The following CAMKMT variants were observed in gnomAD, a reference collection of about 807,000 sequenced individuals.
The protein encoded by CAMKMT is CaM KMT.
Under a neutral mutation model 48.0 loss-of-function variants are expected in CAMKMT, and 53 were observed. The ratio of observed to expected loss-of-function variants is 1.10; its 90% CI spans 0.89 to 1.39. The LOEUF is 1.39. CAMKMT is among the 40% of genes most tolerant of loss of function. CAMKMT has a pLI of 0.00. For missense variants in CAMKMT, 428 were observed against 402.7 expected (o/e 1.06, Z -0.54); for synonymous variants, 165 against 152.3 (o/e 1.08, Z -0.61).
chr2:44,410,116 G>A (rs1456800753), intron 3 of CAMKMT, among the ~76,000 whole-genome samples: 1 of 148,684 alleles, frequency 6.7e-6, no homozygotes, highest in Admixed American at 6.7e-5. Context: ...AACTGGTAGG[G>A]GGTATTTTTC....
intron 3 of CAMKMT, among the ~76,000 whole-genome samples, chr2:44,415,066 A>G (rs1020603567): frequency 1.1e-4 from 17 of 152,106 alleles, no homozygotes; most frequent in Non-Finnish European, 2.2e-4. Flanking sequence ...GCAGGAAATC[A>G]CTTGAACCCG....
At chr2:44,590,007 T>G (rs1670165102) in intron 3 of CAMKMT, among the ~76,000 whole-genome samples, 2 of 148,902 alleles carry the variant, frequency 1.3e-5, no homozygotes, top group Admixed American at 1.4e-4. Context: ...GCAACCTCAC[T>G]CAACATACTT....
In CAMKMT at chr2:44,566,287, A is replaced by G. The variant is rs893674583; in HGVS notation, c.377-137996A>G. On this transcript the variant is annotated intron_variant, in intron 3 of 10. Coordinates refer to ENST00000378494, the MANE Select transcript of CAMKMT (RefSeq NM_024766.5). ...AGCAAGCCAAATTGAGTTTCTAGAT[A>G]AATTTTGACATATGGGTCTTATTCC... 2.0e-5 allele frequency among the ~76,000 whole-genome samples: 3 copies of G among 152,194 alleles called. No individual in the cohort carries two copies. In the East Asian group the frequency reaches 5.8e-4, roughly 29 times the overall value.
At chr2:44,500,058 T>G (rs1669935245) in intron 3 of CAMKMT, among the ~76,000 whole-genome samples, 1 of 152,184 alleles carries the variant, frequency 6.6e-6, no homozygotes, top group South Asian at 2.1e-4. Context: ...AATACAAGAT[T>G]CACTTGATGA....
At chr2:44,500,996 G>C (rs1669980169) in intron 3 of CAMKMT, among the ~76,000 whole-genome samples, 1 of 151,290 alleles carries the variant, frequency 6.6e-6, no homozygotes, top group Non-Finnish European at 1.5e-5. Context: ...ATTAGTTGAA[G>C]ATCAAAGATA....
rs78027570 is a variant in CAMKMT, at chr2:44,732,481, G to A, written c.624-11141G>A. Among the ~76,000 whole-genome samples, 674 of 152,248 alleles carry A rather than the reference G, an allele frequency of 4.4e-3. 7 individuals are homozygous for A. Among genetic ancestry groups the A allele is most frequent in the African/African-American group, 0.015 (633 of 41,526 alleles). The stretch of plus-strand genomic sequence containing the variant: ...GTAGAACCATCCTTTACATGTCTTC[G>A]CACATGAATGTTATGCTTTAGATGG... On this transcript the variant is annotated intron_variant, in intron 7 of 10. Transcript: ENST00000378494.
chr2:44,405,056 T>TA (rs1434793740), intron 3 of CAMKMT, among the ~76,000 whole-genome samples: 1 of 152,088 alleles, frequency 6.6e-6, no homozygotes, highest in Admixed American at 6.6e-5. Flanking sequence ...TGGGCAATTG[T>TA]AAAAAATGAA....
At chr2:44,502,958 A>T (rs558887343) in intron 3 of CAMKMT, among the ~76,000 whole-genome samples, 1 of 152,130 alleles carries the variant, frequency 6.6e-6, no homozygotes, top group African/African-American at 2.4e-5. Context: ...ATGACTACTG[A>T]TTTGTCCTGT....
chr2:44,541,397 C>T (rs182990337), intron 3 of CAMKMT, among the ~76,000 whole-genome samples: 2 of 152,144 alleles, frequency 1.3e-5, no homozygotes, highest in East Asian at 1.9e-4. Flanking sequence ...AAATTTTCCT[C>T]ACTTAGGTTT....
Position 44,604,903 on chromosome 2 carries a change from C to G in CAMKMT, c.377-99380C>G, listed in dbSNP as rs565434992. 7.2e-5 allele frequency among the ~76,000 whole-genome samples: 11 copies of G among 152,206 alleles called. No homozygotes were observed. The South Asian group carries it at 1.2e-3, about 17-fold the overall frequency. On this transcript the variant is annotated intron_variant, in intron 3 of 10. Transcript: ENST00000378494. ...CTGAACAAATAGGCTGTTTGTGGCT[C>G]ACTTTCGTTAACCAACCTGAACAAG...
At chr2:44,707,497 G>T in intron 6 of CAMKMT, 35 bp downstream of exon 6, 2 of 1,571,004 alleles carry the variant, frequency 1.3e-6, no homozygotes, top group African/African-American at 1.4e-5. Context: ...GGTTTGTTGT[G>T]CTCATTCCTT....
chr2:44,681,837 T>A lies in CAMKMT; in HGVS notation c.377-22446T>A, dbSNP rs1167899553. ...TTTCCTTCATTCATCTGGTTTTTGT[T>A]TCATTTTAAAGCATATCTGATTCTG... On this transcript the variant is annotated intron_variant, in intron 3 of 10. Transcript: ENST00000378494. 2.6e-5 allele frequency among the ~76,000 whole-genome samples: 4 copies of A among 152,336 alleles called. No individual in the cohort carries two copies. The South Asian group carries it at 6.2e-4, about 24-fold the overall frequency.
At chr2:44,633,580 A>T (rs546199733) in intron 3 of CAMKMT, among the ~76,000 whole-genome samples, 1 of 151,768 alleles carries the variant, frequency 6.6e-6, no homozygotes, top group East Asian at 1.9e-4. Context: ...GGTATTATAT[A>T]TTTTTTACTC....
At chr2:44,603,546 G>A (rs534424569) in intron 3 of CAMKMT, among the ~76,000 whole-genome samples, 1 of 152,300 alleles carries the variant, frequency 6.6e-6, no homozygotes, top group African/African-American at 2.4e-5. Context: ...CTGTGGGTCA[G>A]CAACATAGGC....
chr2:44,374,236 C>G (rs1232253372), intron 2 of CAMKMT, among the ~76,000 whole-genome samples: 2 of 151,828 alleles, frequency 1.3e-5, no homozygotes, highest in Non-Finnish European at 2.9e-5. Context: ...TAGGATACCC[C>G]AACTGCTTTG....
At chr2:44,443,732 T>C (rs1386417975) in intron 3 of CAMKMT, among the ~76,000 whole-genome samples, 2 of 152,152 alleles carry the variant, frequency 1.3e-5, no homozygotes, top group Non-Finnish European at 2.9e-5. Flanking sequence ...TAAATTAGAC[T>C]ATGGGGTGTG....
chr2:44,437,525 C>T (rs1244953734), intron 3 of CAMKMT, among the ~76,000 whole-genome samples: 1 of 140,950 alleles, frequency 7.1e-6, no homozygotes, highest in African/African-American at 3.2e-5. Flanking sequence ...TTTCTTCAAG[C>T]CATAAGCCGT....
intron 8 of CAMKMT, among the ~76,000 whole-genome samples, chr2:44,749,796 G>A (rs1484940634): frequency 1.3e-5 from 2 of 152,144 alleles, no homozygotes; most frequent in Non-Finnish European, 2.9e-5. Context: ...CCCTCTGAGC[G>A]AGGACAGCAG....
intron 3 of CAMKMT, among the ~76,000 whole-genome samples, chr2:44,584,274 A>G (rs1046516343): frequency 6.6e-6 from 1 of 152,210 alleles, no homozygotes; most frequent in African/African-American, 2.4e-5. Context: ...CTGACTGACA[A>G]AAATAAACCT....
Sources: gnomAD v4.1 joint callset for allele counts (sites outside exome capture counted in the v4.1 genomes callset) on GRCh38, gnomAD v4.1.1 for gene constraint, MANE v1.5 for transcripts, NCBI Gene and HGNC (gene_info 2026-07-23, HGNC 2026-07-21) for gene names.